Variants in ADAM32 observed in about 807,000 individuals in gnomAD.
ADAM32 encodes disintegrin and metalloproteinase domain-containing protein 32.
A neutral mutation model predicts 114.9 loss-of-function variants in ADAM32; 89 were observed. The observed-to-expected ratio is 0.77, with a 90% CI of 0.65 to 0.92. The LOEUF (loss-of-function observed/expected upper bound fraction) is 0.92, where lower values mean the gene tolerates loss of function less well. ADAM32 is among the 40% of genes least tolerant of loss of function. The pLI is 0.00. For missense variants in ADAM32, 870 were observed against 932.8 expected, an observed-to-expected ratio of 0.93 and a Z score of 0.88; for synonymous variants, 285 against 307.5, an observed-to-expected ratio of 0.93 and a Z score of 0.77.
chr8:39,199,906 A>G (rs1233563684), intron 11 of ADAM32, among the ~76,000 whole-genome samples: 2 of 152,110 alleles, frequency 1.3e-5, no homozygotes, highest in African/African-American at 4.8e-5. Flanking sequence ...TTTGCTGAGA[A>G]TGATGGTTTC....
At chr8:39,228,214 G>T (rs1339244349) in intron 14 of ADAM32, among the ~76,000 whole-genome samples, 1 of 152,158 alleles carries the variant, frequency 6.6e-6, no homozygotes, top group Non-Finnish European at 1.5e-5. Context: ...TCTGACAGAG[G>T]CTACTCAAAT....
chr8:39,283,518 T>G (rs181071366), intron 23 of ADAM32, 68 bp from the exon 24 acceptor site: 169 of 1,272,676 alleles, frequency 1.3e-4, no homozygotes, highest in Admixed American at 2.3e-4. Context: ...CCATAACAAA[T>G]AAATACAACA....
chr8:39,249,060 T>G lies in ADAM32; in HGVS notation c.1902+2894T>G, dbSNP rs1386418600. Among the ~76,000 whole-genome samples, 11 of 151,918 alleles carry G rather than the reference T, an allele frequency of 7.2e-5. No homozygotes were observed. The East Asian group carries it at 2.1e-3, about 30-fold the overall frequency. On this transcript the variant is annotated intron_variant, in intron 17 of 24. Transcript: ENST00000379907. ...TGGGACTACAGGGGTCCTGCCACCA[T>G]GCCCGGATAATTTTTTTGTATTTTT... is the stretch of plus-strand genomic sequence containing the variant.
At chr8:39,146,434 G>A (rs1228029551) in intron 3 of ADAM32, among the ~76,000 whole-genome samples, 6 of 135,850 alleles carry the variant, frequency 4.4e-5, no homozygotes, top group African/African-American at 1.7e-4. Context: ...TTTTTGAGAC[G>A]GAATCTTGCT....
rs57639467 is a variant in ADAM32, at chr8:39,134,110, G to A, written c.139-2547G>A. Among the ~76,000 whole-genome samples, 30 of 152,252 alleles carry A rather than the reference G, an allele frequency of 2.0e-4. No individual in the cohort carries two copies. The East Asian group carries it at 3.9e-3, about 20-fold the overall frequency. ...CCCCACTTGTTCCAGCTGGCGTTGC[G>A]CTGCTGCAGCCCTCTGGGTGGACAT... On this transcript the variant is annotated intron_variant, in intron 2 of 24. Transcript: ENST00000379907.
chr8:39,130,520 A>G (rs781076060), intron 2 of ADAM32, among the ~76,000 whole-genome samples: 13 of 151,966 alleles, frequency 8.6e-5, no homozygotes, highest in Non-Finnish European at 1.8e-4. Context: ...TTTTCTTTCT[A>G]CATAGGTACC....
intron 11 of ADAM32, among the ~76,000 whole-genome samples, chr8:39,198,654 A>G (rs1187160394): frequency 6.6e-6 from 1 of 152,230 alleles, no homozygotes; most frequent in Non-Finnish European, 1.5e-5. Context: ...CTGGGATTAC[A>G]GGCGTGAGCC....
chr8:39,145,278 A>C (rs1803435177), intron 3 of ADAM32, among the ~76,000 whole-genome samples: 1 of 152,142 alleles, frequency 6.6e-6, no homozygotes, highest in Non-Finnish European at 1.5e-5. Flanking sequence ...TTCCAATGAC[A>C]TTTTTCACAG....
chr8:39,233,368 C>T lies in ADAM32; in HGVS notation c.1635-531C>T, dbSNP rs951944332. ...CTCCTTTGTAGACCATATCGGGTAACTTCTTGATGTTGCTGTGGCATTTGT... is the reference window on the plus strand; with the variant it reads ...CTCCTTTGTAGACCATATCGGGTAATTTCTTGATGTTGCTGTGGCATTTGT... On this transcript the variant is annotated intron_variant, in intron 15 of 24. Transcript: ENST00000379907. Among the ~76,000 whole-genome samples, 8 of 152,162 alleles carry T rather than the reference C, an allele frequency of 5.3e-5. 1 individual carries two copies. The highest frequency in any genetic ancestry group is 5.2e-4 in the Admixed American group (8 of 15,262).
At chr8:39,140,769 A>C (rs1362766132) in intron 3 of ADAM32, among the ~76,000 whole-genome samples, 1 of 152,256 alleles carries the variant, frequency 6.6e-6, no homozygotes, top group Non-Finnish European at 1.5e-5. Flanking sequence ...TTTGGCTGTG[A>C]ATCTGTCTGG....
At chr8:39,258,437 T>G (rs1473619103) in intron 19 of ADAM32, among the ~76,000 whole-genome samples, 1 of 152,082 alleles carries the variant, frequency 6.6e-6, no homozygotes, top group African/African-American at 2.4e-5. Context: ...TTTTAAATGA[T>G]AGTCGACATT....
intron 11 of ADAM32, among the ~76,000 whole-genome samples, chr8:39,209,111 G>T (rs1205485220): frequency 6.6e-6 from 1 of 151,350 alleles, no homozygotes; most frequent in African/African-American, 2.4e-5. Context: ...CCCTTTGAAG[G>T]TCAATGACTT....
In ADAM32 at chr8:39,201,085, T is replaced by G. The variant is rs1807367740; in HGVS notation, c.1053-10059T>G. On this transcript the variant is annotated intron_variant, in intron 11 of 24. Transcript: ENST00000379907. Reference sequence around the variant, plus strand: ...TGCCTCCAGCTTTGTTCTTTTGGCTTAAGATTGACTTGGCAATGAGGGCTC... The same window carrying G: ...TGCCTCCAGCTTTGTTCTTTTGGCTGAAGATTGACTTGGCAATGAGGGCTC... Among the ~76,000 whole-genome samples, 10 of 152,170 alleles carry G rather than the reference T, an allele frequency of 6.6e-5. 1 individual carries two copies. In the South Asian group the frequency reaches 2.1e-3, roughly 32 times the overall value.
chr8:39,128,813 T>A (rs571986391), intron 2 of ADAM32, among the ~76,000 whole-genome samples: 1 of 152,292 alleles, frequency 6.6e-6, no homozygotes, highest in African/African-American at 2.4e-5. Flanking sequence ...TGTTGGAAAT[T>A]CTTTTCTATA....
intron 3 of ADAM32, among the ~76,000 whole-genome samples, chr8:39,138,003 G>C (rs1802908450): frequency 1.3e-5 from 2 of 152,110 alleles, no homozygotes; most frequent in Non-Finnish European, 2.9e-5. Flanking sequence ...CAGAGCTTGG[G>C]AGAGGGATAG....
chr8:39,130,352 A>G (rs866099275), intron 2 of ADAM32, among the ~76,000 whole-genome samples: 6 of 151,762 alleles, frequency 4.0e-5, no homozygotes, highest in Admixed American at 1.3e-4. Context: ...ATCTTGTTTC[A>G]TTGATTTTCT....
At chr8:39,198,277 A>G (rs940396614) in intron 11 of ADAM32, among the ~76,000 whole-genome samples, 1 of 152,158 alleles carries the variant, frequency 6.6e-6, no homozygotes, top group African/African-American at 2.4e-5. Context: ...TTTTTAATTT[A>G]GAAATTTAAG....
intron 11 of ADAM32, among the ~76,000 whole-genome samples, chr8:39,189,832 C>G (rs1378582328): frequency 6.6e-6 from 1 of 151,936 alleles, no homozygotes; most frequent in Non-Finnish European, 1.5e-5. Flanking sequence ...GAGTCTCGCT[C>G]TGTTGCCCAG....
At chr8:39,113,562 AT>A (rs1840253996) in intron 1 of ADAM32, among the ~76,000 whole-genome samples, 1 of 152,042 alleles carries the variant, frequency 6.6e-6, no homozygotes, top group African/African-American at 2.4e-5. Context: ...AGCCACTAGC[AT>A]CTCACTTTGT....
Sources: gnomAD v4.1 joint callset for allele counts (sites outside exome capture counted in the v4.1 genomes callset) on GRCh38, gnomAD v4.1.1 for gene constraint, MANE v1.5 for transcripts, NCBI Gene and HGNC (gene_info 2026-07-23, HGNC 2026-07-21) for gene names.